TAF2: variants seen among roughly 807,000 people sequenced by gnomAD.
TAF2 encodes TATA-box binding protein associated factor 2.
TAF2 carries 61 observed loss-of-function variants against 138.5 expected under a neutral mutation model. That is an observed-to-expected ratio of 0.44 (90% confidence interval 0.36 to 0.54). The LOEUF (loss-of-function observed/expected upper bound fraction) is 0.54. Among genes scored for constraint, TAF2 ranks in the 20% least tolerant of loss-of-function variants. The probability of loss-of-function intolerance (pLI) is 0.00; values close to 1 mark genes in which losing one functional copy is unlikely to be tolerated. For missense variants in TAF2, 1,090 were observed against 1,427.9 expected, an observed-to-expected ratio of 0.76 and a Z score of 3.81; for synonymous variants, 475 against 469.9, an observed-to-expected ratio of 1.01 and a Z score of -0.14.
intron 6 of TAF2, among the ~76,000 whole-genome samples, chr8:119,798,931 A>T (rs1247214827): frequency 6.6e-6 from 1 of 152,162 alleles, no homozygotes; most frequent in Non-Finnish European, 1.5e-5. Flanking sequence ...GCAAATAAAA[A>T]ATACTATTCA....
At chr8:119,816,510 G>C (rs931506199) in intron 3 of TAF2, among the ~76,000 whole-genome samples, 1 of 152,154 alleles carries the variant, frequency 6.6e-6, no homozygotes, top group Non-Finnish European at 1.5e-5. Context: ...CACGGAATTT[G>C]ATGTTTCACT....
chr8:119,757,552 A>C (rs1460185183), intron 21 of TAF2, among the ~76,000 whole-genome samples: 3 of 151,848 alleles, frequency 2.0e-5, no homozygotes, highest in African/African-American at 7.3e-5. Context: ...AAGTCACCTA[A>C]ATTACTCTAA....
chr8:119,737,511 CTTTT>C (rs34513662), intron 25 of TAF2, among the ~76,000 whole-genome samples: 2 of 137,352 alleles, frequency 1.5e-5, no homozygotes, highest in Admixed American at 7.5e-5. Context: ...TTTTCTTTTT[CTTTT>C]TTTTTTTTTT....
At chr8:119,764,745 T>G (rs1821307480) in intron 18 of TAF2, among the ~76,000 whole-genome samples, 1 of 152,084 alleles carries the variant, frequency 6.6e-6, no homozygotes, top group South Asian at 2.1e-4. Flanking sequence ...TTAAATTATA[T>G]AAATACTCCA....
intron 9 of TAF2, among the ~76,000 whole-genome samples, chr8:119,794,610 T>A (rs913528285): frequency 1.2e-4 from 19 of 152,320 alleles, no homozygotes; most frequent in African/African-American, 4.6e-4. Flanking sequence ...AGTTTCTTCA[T>A]CTATAAAATG....
At chr8:119,824,049 G>A (rs1030834627) in intron 2 of TAF2, among the ~76,000 whole-genome samples, 24 of 152,146 alleles carry the variant, frequency 1.6e-4, no homozygotes, top group Admixed American at 9.8e-4. Context: ...GCAGTCAAGC[G>A]GTGACTTGGG....
intron 6 of TAF2, among the ~76,000 whole-genome samples, chr8:119,798,103 G>C (rs1013113355): frequency 6.6e-6 from 1 of 151,986 alleles, no homozygotes; most frequent in Non-Finnish European, 1.5e-5. Context: ...TACAACTCTA[G>C]TTCCAAATTC....
intron 3 of TAF2, among the ~76,000 whole-genome samples, chr8:119,812,391 T>C (rs1825134080): frequency 6.6e-6 from 1 of 152,082 alleles, no homozygotes; most frequent in African/African-American, 2.4e-5. Flanking sequence ...AGATGAATTT[T>C]ACAATAGGAA....
intron 3 of TAF2, 76 bp downstream of exon 3, chr8:119,819,268 TGA>T: frequency 6.8e-7 from 1 of 1,479,512 alleles, no homozygotes; most frequent in Non-Finnish European, 9.3e-7. Context: ...AAAAATACTT[TGA>T]GAAAAACTAA....
chr8:119,825,886 G>C (rs1390117676), intron 2 of TAF2, among the ~76,000 whole-genome samples: 1 of 151,366 alleles, frequency 6.6e-6, no homozygotes, highest in Non-Finnish European at 1.5e-5. Flanking sequence ...TAGAGACAGG[G>C]TTTCACTGTG....
intron 2 of TAF2, among the ~76,000 whole-genome samples, chr8:119,826,344 T>C (rs906748599): frequency 1.3e-5 from 2 of 151,912 alleles, no homozygotes; most frequent in Non-Finnish European, 1.5e-5. Context: ...CTGCCATCCA[T>C]GTAAGAGATG....
intron 25 of TAF2, among the ~76,000 whole-genome samples, chr8:119,734,960 T>C (rs1819128514): frequency 6.6e-6 from 1 of 152,210 alleles, no homozygotes; most frequent in South Asian, 2.1e-4. Flanking sequence ...AATGTTTCTT[T>C]GGACGGTTTT....
Position 119,740,491 on chromosome 8 carries a change from T to TTA in TAF2, c.3337+2042_3337+2043insTA, listed in dbSNP as rs1554637025. 2.6e-3 allele frequency among the ~76,000 whole-genome samples: 224 copies of TTA among 86,922 alleles called. 2 individuals carry two copies. The highest frequency in any genetic ancestry group is 9.9e-3 in the African/African-American group (212 of 21,520). 57.0% of individuals were successfully genotyped at this position (86,922 alleles called of 152,430 possible). A position where few individuals can be genotyped will look rare whatever the true frequency, so the allele number is the denominator to read the frequency against. ...CAATATGGTGAAATCCTGTCTCTAC[T>TTA]AAAAAAAAAAAAAAAAAAAAAAAAT... On this transcript the variant is annotated intron_variant, in intron 25 of 25. Transcript: ENST00000378164.
At chr8:119,792,758 C>A (rs371556056) in intron 10 of TAF2, among the ~76,000 whole-genome samples, 1 of 152,046 alleles carries the variant, frequency 6.6e-6, no homozygotes, top group Non-Finnish European at 1.5e-5. Context: ...TTGAAGGGAG[C>A]GTTCTCTTGC....
At chr8:119,778,978 T>C (rs546729099) in intron 17 of TAF2, among the ~76,000 whole-genome samples, 9 of 152,270 alleles carry the variant, frequency 5.9e-5, no homozygotes, top group South Asian at 2.1e-4. Context: ...AATGGCTCAT[T>C]TTCTTGCTTG....
chr8:119,766,896 C>A (rs933208669), intron 18 of TAF2: 12 of 152,116 alleles, frequency 7.9e-5, no homozygotes, highest in African/African-American at 2.9e-4. Context: ...ATATAGTAAC[C>A]TCTTCTGGAA....
intron 6 of TAF2, among the ~76,000 whole-genome samples, chr8:119,801,152 C>T (rs1205406727): frequency 6.6e-6 from 1 of 151,982 alleles, no homozygotes; most frequent in Non-Finnish European, 1.5e-5. Flanking sequence ...AGAGATGGGA[C>T]CACAACATTC....
At chr8:119,746,373 CAAAAAAAA>C (rs11392436) in intron 23 of TAF2, among the ~76,000 whole-genome samples, 1 of 54,322 alleles carries the variant, frequency 1.8e-5, no homozygotes, top group Middle Eastern at 0.016. Context: ...AACTCTGTCT[CAAAAAAAA>C]AAAAAAAAAA....
At chr8:119,754,763 A>G (rs921193177) in intron 22 of TAF2, among the ~76,000 whole-genome samples, 1 of 152,204 alleles carries the variant, frequency 6.6e-6, no homozygotes, top group African/African-American at 2.4e-5. Flanking sequence ...AGCAAAAGAC[A>G]TTTCAGCCTA....
Sources: gnomAD v4.1 joint callset for allele counts (sites outside exome capture counted in the v4.1 genomes callset) on GRCh38, gnomAD v4.1.1 for gene constraint, MANE v1.5 for transcripts, NCBI Gene and HGNC (gene_info 2026-07-23, HGNC 2026-07-21) for gene names.